The following SEC14L5 variants were observed in gnomAD, a reference collection of about 807,000 sequenced individuals.
The protein encoded by SEC14L5 is SEC14-like protein 5.
SEC14L5 carries 96 observed loss-of-function variants against 84.6 expected under a neutral mutation model. The observed-to-expected ratio is 1.13, with a 90% CI of 0.96 to 1.34. The LOEUF is 1.34. Ranked by LOEUF, SEC14L5 falls within the 40% of genes most tolerant of loss-of-function variation. The pLI is 0.00. For synonymous variants in SEC14L5, 546 were observed against 383.4 expected (o/e 1.42, Z -4.95); for missense variants, 1,224 against 942.5 (o/e 1.30, Z -3.91).
chr16:5,009,314 G>GTT (rs560200600), intron 14 of SEC14L5, among the ~76,000 whole-genome samples: 1 of 150,614 alleles, frequency 6.6e-6, no homozygotes, highest in East Asian at 2.0e-4. Flanking sequence ...CTTAAATCCT[G>GTT]TTTTTTTTTG....
rs753423152 is a variant in SEC14L5, at chr16:5,015,228, C to G, written c.*258C>G. 1 of 501,220 alleles carries G rather than the reference C, an allele frequency of 2.0e-6. No individual in the cohort carries two copies. Among genetic ancestry groups the G allele is most frequent in the East Asian group, 3.2e-5 (1 of 30,884 alleles). The allele number at this position is 501,220 out of a possible 1,614,324, so 31.0% of individuals were successfully genotyped here. On this transcript the variant is annotated 3_prime_UTR_variant, in exon 16 of 16. Transcript: ENST00000251170. ...GAAGACCAAGCCAAGGCCAAGGTGT[C>G]TACCATACCACACCTTTGGGACATC...
In SEC14L5 at chr16:5,015,389, CAA is replaced by C. The variant is rs1483188112; in HGVS notation, c.*421_*422del. ...CCTGCATAAGAGAGCCTCTTCCTCC[CAA>C]AGGCTCCAGCCCACTTCCCAGAGCT... is the stretch of plus-strand genomic sequence containing the variant. On this transcript the variant is annotated 3_prime_UTR_variant, in exon 16 of 16. Coordinates refer to ENST00000251170, the MANE Select transcript of SEC14L5 (RefSeq NM_014692.2). 1.7e-5 allele frequency: 3 copies of C among 174,418 alleles called. No individual in the cohort carries two copies. Among genetic ancestry groups the C allele is most frequent in the African/African-American group, 7.1e-5 (3 of 42,298 alleles). The allele number at this position is 174,418 out of a possible 1,614,324, so 10.8% of individuals were successfully genotyped here.
chr16:4,988,495 C>A (rs1955520121), intron 4 of SEC14L5, among the ~76,000 whole-genome samples: 1 of 152,238 alleles, frequency 6.6e-6, no homozygotes, highest in Non-Finnish European at 1.5e-5. Flanking sequence ...TTGGGATATA[C>A]TTATACTCAA....
intron 15 of SEC14L5, among the ~76,000 whole-genome samples, chr16:5,012,852 G>A (rs1238659774): frequency 2.0e-5 from 3 of 151,126 alleles, no homozygotes; most frequent in African/African-American, 4.9e-5. Flanking sequence ...CTGAGATCGC[G>A]CCACTGCACT....
In SEC14L5 at chr16:4,984,095, G is replaced by A. The variant is rs184641459; in HGVS notation, c.64-3462G>A. Among the ~76,000 whole-genome samples, 28 of 152,178 alleles carry A rather than the reference G, an allele frequency of 1.8e-4. No individual in the cohort carries two copies. The East Asian group carries it at 5.4e-3, about 29-fold the overall frequency. The stretch of plus-strand genomic sequence containing the variant: ...GCTTTCAGTAGATTCATAATATTGT[G>A]CAAGCTTCACCGCAATCAGCTTTAG... On this transcript the variant is annotated intron_variant, in intron 2 of 15. Transcript: ENST00000251170.
At chr16:4,992,248 T>TTTTCC (rs1204764351) in intron 6 of SEC14L5, among the ~76,000 whole-genome samples, 1 of 151,790 alleles carries the variant, frequency 6.6e-6, no homozygotes, top group Non-Finnish European at 1.5e-5. Context: ...TTCTTTTCTC[T>TTTTCC]TTTCTTTTCT....
chr16:5,007,005 G>T (rs991652654), intron 12 of SEC14L5, among the ~76,000 whole-genome samples: 5 of 152,058 alleles, frequency 3.3e-5, no homozygotes, highest in African/African-American at 1.2e-4. Flanking sequence ...GTGTGGAGAG[G>T]CCCCCCAGCC....
intron 2 of SEC14L5, among the ~76,000 whole-genome samples, chr16:4,962,934 T>A (rs772309711): frequency 3.3e-5 from 5 of 152,164 alleles, no homozygotes; most frequent in Non-Finnish European, 5.9e-5. Context: ...CAAAAGGGGT[T>A]TTCTATGCTT....
chr16:4,998,144 T>G (rs1037644336), intron 8 of SEC14L5, among the ~76,000 whole-genome samples: 10 of 151,736 alleles, frequency 6.6e-5, no homozygotes, highest in Admixed American at 5.3e-4. Context: ...TAGCTGGGAC[T>G]ACAGGCGTGC....
chr16:4,989,262 A>G (rs1020516177), intron 4 of SEC14L5, among the ~76,000 whole-genome samples: 5 of 151,242 alleles, frequency 3.3e-5, no homozygotes, highest in Non-Finnish European at 7.4e-5. Flanking sequence ...TTTCACGATG[A>G]TAACTCCAGG....
At chr16:5,001,848 C>T (rs1955681623) in intron 10 of SEC14L5, among the ~76,000 whole-genome samples, 1 of 152,110 alleles carries the variant, frequency 6.6e-6, no homozygotes, top group Non-Finnish European at 1.5e-5. Context: ...TCACAGCTCA[C>T]TGCGGCCTTG....
At chr16:5,004,674 CT>C (rs1024923492) in intron 11 of SEC14L5, among the ~76,000 whole-genome samples, 13 of 152,118 alleles carry the variant, frequency 8.5e-5, no homozygotes, top group African/African-American at 3.1e-4. Flanking sequence ...GGAGAGGGCC[CT>C]GCACGGGGGG....
At chr16:5,005,721 G>A (rs544426222) in intron 11 of SEC14L5, among the ~76,000 whole-genome samples, 193 bp from the exon 12 acceptor site, 18 of 150,416 alleles carry the variant, frequency 1.2e-4, no homozygotes, top group African/African-American at 4.2e-4. Context: ...AAAATTAGCC[G>A]GGCATGGTGG....
At chr16:4,963,268 CAG>C (rs1955151722) in intron 2 of SEC14L5, among the ~76,000 whole-genome samples, 1 of 152,176 alleles carries the variant, frequency 6.6e-6, no homozygotes, top group Non-Finnish European at 1.5e-5. Flanking sequence ...GTCAAATAAA[CAG>C]AGATTTCTCT....
chr16:4,971,977 A>G (rs1286701440), intron 2 of SEC14L5, among the ~76,000 whole-genome samples: 1 of 151,950 alleles, frequency 6.6e-6, no homozygotes, highest in Non-Finnish European at 1.5e-5. Flanking sequence ...ATTCCAAACC[A>G]TGACAAATGC....
chr16:4,997,487 G>C (rs1241257833), intron 8 of SEC14L5, among the ~76,000 whole-genome samples: 1 of 152,156 alleles, frequency 6.6e-6, no homozygotes, highest in Non-Finnish European at 1.5e-5. Flanking sequence ...GCTTTGAAGT[G>C]ACAACCTAGC....
At position 5,005,970 on chromosome 16, in the gene SEC14L5, C is replaced by A. The variant is rs779624488; in HGVS notation, c.1359C>A (p.Ser453Arg). ...TRRKFLIYSGSNYQGPGGLVD... is the reference protein window; with the variant it reads ...TRRKFLIYSGRNYQGPGGLVD... ...GGAAGTTCCTCATCTACAGTGGCAG[C>A]AACTACCAGGGACCCGGAGGCCTTG... is the stretch of plus-strand genomic sequence containing the variant. The change falls in exon 12 of 16, where the codon AGC becomes AGA. Residue 453 changes from serine to arginine, a missense_variant. Physicochemically the swap from Ser to Arg is moderately radical, Grantham distance 110. Transcript: ENST00000251170. 1.2e-6 allele frequency: 2 copies of A among 1,612,860 alleles called. No individual in the cohort carries two copies. Among genetic ancestry groups the A allele is most frequent in the Admixed American group, 3.3e-5 (2 of 59,852 alleles).
At chr16:4,998,035 G>T (rs1955630790) in intron 8 of SEC14L5, among the ~76,000 whole-genome samples, 1 of 140,842 alleles carries the variant, frequency 7.1e-6, no homozygotes, top group African/African-American at 2.7e-5. Flanking sequence ...ACAGAGTCTG[G>T]CTCTGTCACC....
chr16:4,991,018 T>A, intron 5 of SEC14L5, 123 bp downstream of exon 5: 2 of 744,044 alleles, frequency 2.7e-6, no homozygotes, highest in Non-Finnish European at 4.1e-6. Flanking sequence ...GTTAAATGGG[T>A]ACTCTAGTAA....
Sources: allele counts gnomAD v4.1 joint callset (sites outside exome capture counted in the v4.1 genomes callset), GRCh38; gene constraint gnomAD v4.1.1; transcripts MANE v1.5; gene names NCBI Gene and HGNC (gene_info 2026-07-23, HGNC 2026-07-21).